Variants in ULK4 observed in about 807,000 individuals in gnomAD.
ULK4 encodes unc-51 like kinase 4, also known as inactive serine/threonine-protein kinase ULK4.
In ULK4, 133 loss-of-function variants were observed where a neutral mutation model predicts 160.6. The observed-to-expected ratio is 0.83, with a 90% CI of 0.72 to 0.96. The LOEUF (loss-of-function observed/expected upper bound fraction) is 0.96. Among genes scored for constraint, ULK4 ranks in the 40% least tolerant of loss-of-function variants. The probability of loss-of-function intolerance (pLI) is 0.00; values close to 1 mark genes in which losing one functional copy is unlikely to be tolerated. For synonymous variants in ULK4, 534 were observed against 539.8 expected (o/e 0.99, Z 0.15); for missense variants, 1,580 against 1,499.5 (o/e 1.05, Z -0.89).
At chr3:41,590,266 T>C (rs1220703480) in intron 31 of ULK4, among the ~76,000 whole-genome samples, 2 of 151,390 alleles carry the variant, frequency 1.3e-5, no homozygotes, top group African/African-American at 4.8e-5. Flanking sequence ...CCTCCCAAAG[T>C]GCTGGGATTA....
In ULK4 at chr3:41,353,482, T is replaced by C. The variant is rs1404484888; in HGVS notation, c.3678+44597A>G. 8.6e-5 allele frequency among the ~76,000 whole-genome samples: 13 copies of C among 151,810 alleles called. No individual in the cohort carries two copies. In the South Asian group the frequency reaches 2.5e-3, roughly 29 times the overall value. Reference sequence around the variant, plus strand: ...GAGTTCAAGACCACCCTGGGCAACATAGCGAGAGCCCATTTCTACAAAAAT... The same window carrying C: ...GAGTTCAAGACCACCCTGGGCAACACAGCGAGAGCCCATTTCTACAAAAAT... On this transcript the variant is annotated intron_variant, in intron 35 of 36. Transcript: ENST00000301831.
intron 32 of ULK4, among the ~76,000 whole-genome samples, chr3:41,487,787 G>A (rs981016841): frequency 3.3e-5 from 5 of 152,132 alleles, no homozygotes; most frequent in Non-Finnish European, 7.4e-5. Flanking sequence ...CAATAAAAAA[G>A]TTTCTAATTG....
chr3:41,283,038 T>A (rs927861456), intron 35 of ULK4, among the ~76,000 whole-genome samples: 1 of 152,050 alleles, frequency 6.6e-6, no homozygotes, highest in African/African-American at 2.4e-5. Context: ...AACAGACACA[T>A]GAAAAAATGC....
intron 32 of ULK4, among the ~76,000 whole-genome samples, chr3:41,541,586 G>C (rs1340551914): frequency 6.6e-6 from 1 of 152,130 alleles, no homozygotes; most frequent in Non-Finnish European, 1.5e-5. Flanking sequence ...TAGCTTGATG[G>C]GGATAGCATT....
intron 1 of ULK4, among the ~76,000 whole-genome samples, chr3:41,961,624 G>A (rs1248404198): frequency 4.8e-5 from 7 of 146,318 alleles, no homozygotes; most frequent in African/African-American, 1.6e-4. Flanking sequence ...GCCTCGCTAC[G>A]TCCGTAGGCA....
intron 3 of ULK4, chr3:41,937,725 T>G (rs1559662709): frequency 5.2e-6 from 1 of 194,080 alleles, no homozygotes; most frequent in Non-Finnish European, 1.0e-5. Flanking sequence ...GCTGAAAATT[T>G]TATGAGGTAC....
intron 32 of ULK4, among the ~76,000 whole-genome samples, chr3:41,506,765 A>AAAAAAAAAAAAAAAATATATATAT (rs1491135487): frequency 9.6e-5 from 1 of 10,462 alleles, no homozygotes; most frequent in South Asian, 3.0e-3. Flanking sequence ...AGTGTGATTT[A>AAAAAAAAAAAAAAAATATATATAT]AAATATATAT....
chr3:41,834,894 A>C (rs547478469), intron 18 of ULK4, among the ~76,000 whole-genome samples: 1 of 151,856 alleles, frequency 6.6e-6, no homozygotes, highest in Non-Finnish European at 1.5e-5. Context: ...ATATACAAAA[A>C]ATTAGCCAGG....
At chr3:41,737,104 T>C (rs2038081263) in intron 22 of ULK4, among the ~76,000 whole-genome samples, 1 of 151,920 alleles carries the variant, frequency 6.6e-6, no homozygotes. Context: ...AGCCTTGTAG[T>C]ATAGTTTGAA....
intron 21 of ULK4, among the ~76,000 whole-genome samples, chr3:41,775,975 A>C (rs2039602885): frequency 6.6e-6 from 1 of 150,904 alleles, no homozygotes; most frequent in African/African-American, 2.5e-5. Flanking sequence ...CACTACTGTG[A>C]TAAATAATTT....
intron 31 of ULK4, among the ~76,000 whole-genome samples, chr3:41,606,570 T>C (rs1229712970): frequency 2.0e-5 from 3 of 152,070 alleles, no homozygotes; most frequent in African/African-American, 7.2e-5. Context: ...ATGGCTGTAC[T>C]AATTTGTACC....
chr3:41,908,011 A>G (rs1316544217), intron 11 of ULK4, 70 bp from the exon 12 acceptor site: 17 of 1,152,910 alleles, frequency 1.5e-5, no homozygotes, highest in Non-Finnish European at 1.9e-5. Flanking sequence ...GTTTTCTGGA[A>G]GAAAACAAGT....
At chr3:41,815,678 T>C (rs62258618) in intron 19 of ULK4, among the ~76,000 whole-genome samples, 2 of 152,190 alleles carry the variant, frequency 1.3e-5, no homozygotes, top group African/African-American at 2.4e-5. Flanking sequence ...GGGGAAGTTA[T>C]TGTTCACATC....
At chr3:41,388,893 T>G (rs1415656363) in intron 35 of ULK4, among the ~76,000 whole-genome samples, 3 of 152,182 alleles carry the variant, frequency 2.0e-5, no homozygotes, top group Non-Finnish European at 1.5e-5. Context: ...TGAAAGTAGT[T>G]TTTTCCAATT....
chr3:41,721,268 T>C (rs1411956260), intron 22 of ULK4, among the ~76,000 whole-genome samples: 3 of 108,710 alleles, frequency 2.8e-5, no homozygotes, highest in African/African-American at 1.2e-4. Flanking sequence ...TTTTTTTTTT[T>C]TTTTTTTTTT....
chr3:41,762,239 T>C (rs2039005735), intron 21 of ULK4, among the ~76,000 whole-genome samples: 1 of 152,156 alleles, frequency 6.6e-6, no homozygotes, highest in South Asian at 2.1e-4. Context: ...TTATTCATTC[T>C]AGCTAACTAT....
chr3:41,751,351 C>T (rs1676938585), intron 22 of ULK4, among the ~76,000 whole-genome samples: 1 of 152,158 alleles, frequency 6.6e-6, no homozygotes, highest in South Asian at 2.1e-4. Context: ...ATTTTAGACC[C>T]TGCAGAAGCT....
chr3:41,796,171 G>T (rs949408591), intron 20 of ULK4, among the ~76,000 whole-genome samples: 1 of 152,126 alleles, frequency 6.6e-6, no homozygotes, highest in South Asian at 2.1e-4. Context: ...GCCTCCAGCG[G>T]GGAGTGAATG....
chr3:41,593,295 T>C (rs2031475472), intron 31 of ULK4, among the ~76,000 whole-genome samples: 1 of 152,178 alleles, frequency 6.6e-6, no homozygotes, highest in African/African-American at 2.4e-5. Flanking sequence ...AGTGATGTGA[T>C]AGGTCACTGA....
Sources: allele counts gnomAD v4.1 joint callset (sites outside exome capture counted in the v4.1 genomes callset), GRCh38; gene constraint gnomAD v4.1.1; transcripts MANE v1.5; gene names NCBI Gene and HGNC (gene_info 2026-07-23, HGNC 2026-07-21).